MBOAT1: variants seen among roughly 807,000 people sequenced by gnomAD.
MBOAT1 encodes membrane bound glycerophospholipid O-acyltransferase 1.
A neutral mutation model predicts 64.4 loss-of-function variants in MBOAT1; 67 were observed. The observed-to-expected ratio is 1.04, with a 90% confidence interval of 0.85 to 1.27. The LOEUF is 1.27. Among genes scored for constraint, MBOAT1 ranks in the 50% most tolerant of loss-of-function variants. The pLI, the probability that MBOAT1 is intolerant of heterozygous loss-of-function variation, is 0.00. For synonymous variants in MBOAT1, 229 were observed against 218.9 expected (o/e 1.05, Z -0.41); for missense variants, 563 against 604.6 (o/e 0.93, Z 0.72).
chr6:20,189,739 G>A (rs1306378521), intron 1 of MBOAT1, among the ~76,000 whole-genome samples: 2 of 151,578 alleles, frequency 1.3e-5, no homozygotes, highest in African/African-American at 4.8e-5. Context: ...CTGCTTCTAT[G>A]AGATCAACTT....
chr6:20,152,524 T>C, intron 2 of MBOAT1, 100 bp downstream of exon 2: 1 of 1,258,128 alleles, frequency 7.9e-7, no homozygotes, highest in Non-Finnish European at 1.1e-6. Context: ...ACAATACATA[T>C]TTTATAATGC....
chr6:20,193,437 T>C (rs1287279310), intron 1 of MBOAT1, among the ~76,000 whole-genome samples: 1 of 152,180 alleles, frequency 6.6e-6, no homozygotes, highest in African/African-American at 2.4e-5. Context: ...AGGTCGGAAC[T>C]TAATGAGAGA....
intron 12 of MBOAT1, among the ~76,000 whole-genome samples, chr6:20,107,947 A>C (rs564679112): frequency 6.6e-6 from 1 of 152,286 alleles, no homozygotes; most frequent in East Asian, 1.9e-4. Flanking sequence ...TGTAGAGGAC[A>C]AAAGGGCAAA....
chr6:20,189,663 C>A (rs552775638), intron 1 of MBOAT1, among the ~76,000 whole-genome samples: 1 of 151,766 alleles, frequency 6.6e-6, no homozygotes, highest in Non-Finnish European at 1.5e-5. Flanking sequence ...AAAATTTATA[C>A]CCTTTGAGCA....
chr6:20,158,921 G>A (rs1026380554), intron 1 of MBOAT1, among the ~76,000 whole-genome samples: 3 of 152,130 alleles, frequency 2.0e-5, no homozygotes, highest in Non-Finnish European at 4.4e-5. Flanking sequence ...AAGATAACAA[G>A]TGCTTGGAGA....
At chr6:20,112,794 C>T (rs956941254) in intron 11 of MBOAT1, 82 bp downstream of exon 11, 2 of 1,460,750 alleles carry the variant, frequency 1.4e-6, no homozygotes, top group Non-Finnish European at 1.8e-6. Flanking sequence ...CCACCCCCAA[C>T]CCCTACTAGG....
chr6:20,165,687 G>C (rs1042763742), intron 1 of MBOAT1, among the ~76,000 whole-genome samples: 1 of 151,584 alleles, frequency 6.6e-6, no homozygotes, highest in East Asian at 1.9e-4. Flanking sequence ...AGGCTGCAGT[G>C]AGCCGCGATC....
chr6:20,141,280 A>G (rs843322), intron 4 of MBOAT1, among the ~76,000 whole-genome samples: 149,837 of 151,974 alleles, frequency 0.99, 73,900 homozygotes, highest in East Asian at 1. Flanking sequence ...GGCAGAAGAT[A>G]AAGGCTTGGC....
chr6:20,125,897 C>CACG, intron 7 of MBOAT1: 3 of 440,164 alleles, frequency 6.8e-6, no homozygotes, highest in South Asian at 5.0e-5. Context: ...TCGTTAATTA[C>CACG]AAATGTCCCT....
chr6:20,191,430 G>A (rs1456374883), intron 1 of MBOAT1, among the ~76,000 whole-genome samples: 1 of 152,200 alleles, frequency 6.6e-6, no homozygotes, highest in African/African-American at 2.4e-5. Flanking sequence ...AACATCCCCC[G>A]CTTCCTCCAA....
chr6:20,208,302 C>T (rs549650594), intron 1 of MBOAT1, among the ~76,000 whole-genome samples: 203 of 151,910 alleles, frequency 1.3e-3, no homozygotes, highest in African/African-American at 4.6e-3. Flanking sequence ...AAAAATTAGC[C>T]GGGTATGGTG....
chr6:20,125,968 C>G, intron 7 of MBOAT1: 1 of 349,060 alleles, frequency 2.9e-6, no homozygotes, highest in Non-Finnish European at 5.6e-6. Context: ...ATGAGTTATT[C>G]TAATATTGAC....
At chr6:20,207,142 T>C (rs1763289521) in intron 1 of MBOAT1, among the ~76,000 whole-genome samples, 1 of 152,268 alleles carries the variant, frequency 6.6e-6, no homozygotes, top group African/African-American at 2.4e-5. Context: ...GTAGGTTGAT[T>C]ATACTCAGCA....
intron 1 of MBOAT1, among the ~76,000 whole-genome samples, chr6:20,202,172 T>C (rs1161768146): frequency 6.6e-6 from 1 of 152,092 alleles, no homozygotes; most frequent in Non-Finnish European, 1.5e-5. Flanking sequence ...CTGTTTCAAG[T>C]CAGCCACAGA....
Position 20,101,037 on chromosome 6 carries a change from A to G in MBOAT1, c.*1249T>C, listed in dbSNP as rs893557613. ...CTATGAAACTGAAAAAATGAAAATCAGCCCATGTGTACATCACGGCCAGCC... is the reference window on the plus strand; with the variant it reads ...CTATGAAACTGAAAAAATGAAAATCGGCCCATGTGTACATCACGGCCAGCC... On this transcript the variant is annotated 3_prime_UTR_variant, in exon 13 of 13. Coordinates refer to ENST00000324607, the MANE Select transcript of MBOAT1 (RefSeq NM_001080480.3). Among the ~76,000 whole-genome samples, 1 of 152,216 alleles carries G rather than the reference A, an allele frequency of 6.6e-6. No homozygotes were observed. The highest frequency in any genetic ancestry group is 1.5e-5 in the Non-Finnish European group (1 of 68,038).
chr6:20,125,333 G>A (rs1048621320), intron 7 of MBOAT1, among the ~76,000 whole-genome samples: 7 of 152,182 alleles, frequency 4.6e-5, no homozygotes, highest in African/African-American at 1.7e-4. Flanking sequence ...GGGTTTAAGT[G>A]AATGAGTATT....
rs142807868 is a variant in MBOAT1 at position 20,186,281 on chromosome 6, A to G, written c.99+25855T>C. Reference sequence around the variant, plus strand: ...GTCTTGCTTATATGCAACATGTAGGAACAAAGAAAGCAGCACAAGGAGGCA... The same window carrying G: ...GTCTTGCTTATATGCAACATGTAGGGACAAAGAAAGCAGCACAAGGAGGCA... On this transcript the variant is annotated intron_variant, in intron 1 of 12. Coordinates refer to ENST00000324607, the MANE Select transcript of MBOAT1 (RefSeq NM_001080480.3). Among the ~76,000 whole-genome samples the G allele has an allele frequency of 6.2e-4, 94 of 152,344 alleles. 1 individual carries two copies. In the East Asian group the frequency reaches 0.017, roughly 27 times the overall value.
At position 20,102,428 on chromosome 6, in the gene MBOAT1, T is replaced by C. The variant is rs1759829506; in HGVS notation, c.1362-16A>G. 3 of 1,578,888 alleles carry C rather than the reference T, an allele frequency of 1.9e-6. No homozygotes were observed. The African/African-American group carries it at 4.1e-5, about 21-fold the overall frequency. On this transcript the variant is annotated splice_polypyrimidine_tract_variant and intron_variant, in intron 12 of 12. Coordinates refer to ENST00000324607, the MANE Select transcript of MBOAT1 (RefSeq NM_001080480.3). ...GTACATGGACCTGGGAATAAAAATA[T>C]ACAAAAATTATATTTCAAATAAGGA...
chr6:20,208,839 C>G (rs556965195), intron 1 of MBOAT1, among the ~76,000 whole-genome samples: 6 of 152,312 alleles, frequency 3.9e-5, no homozygotes, highest in African/African-American at 1.4e-4. Context: ...ATTGGAAGTT[C>G]CTTAAAGCCT....
Sources: gnomAD v4.1 joint callset for allele counts (sites outside exome capture counted in the v4.1 genomes callset) on GRCh38, gnomAD v4.1.1 for gene constraint, MANE v1.5 for transcripts, NCBI Gene and HGNC (gene_info 2026-07-23, HGNC 2026-07-21) for gene names.